PFKL: variants seen among roughly 807,000 people sequenced by gnomAD.
PFKL encodes phosphofructokinase, liver type.
PFKL carries 74 observed loss-of-function variants against 92.1 expected under a neutral mutation model. The ratio of observed to expected loss-of-function variants is 0.80; its 90% CI spans 0.67 to 0.97. The LOEUF is 0.97. PFKL is among the 50% of genes least tolerant of loss of function. PFKL has a pLI of 0.00. For synonymous variants in PFKL, 494 were observed against 456.4 expected (o/e 1.08, Z -1.05); for missense variants, 1,028 against 1,116.6 (o/e 0.92, Z 1.13).
At chr21:44,303,603 T>C (rs9982262) in intron 1 of PFKL, among the ~76,000 whole-genome samples, 3,027 of 152,134 alleles carry the variant, frequency 0.02, 109 homozygotes, top group African/African-American at 0.068. Context: ...GTTGGTTTCC[T>C]GTTATCGCAG....
At position 44,322,388 on chromosome 21, in the gene PFKL, T is replaced by C. The variant is rs151330277; in HGVS notation, c.1409+185T>C. On this transcript the variant is annotated intron_variant, in intron 14 of 21. Coordinates refer to ENST00000349048, the MANE Select transcript of PFKL (RefSeq NM_002626.6). The stretch of plus-strand genomic sequence containing the variant: ...GGGCTTCCTGGCCTGAGCTCCGCTG[T>C]GTAGGGCAGGCTGCTCTGGCGGCCC... 6.6e-3 allele frequency among the ~76,000 whole-genome samples: 1,002 copies of C among 152,256 alleles called. 9 individuals carry two copies. The highest frequency in any genetic ancestry group is 0.022 in the Admixed American group (330 of 15,304).
chr21:44,312,885 G>A (rs2047087680), intron 4 of PFKL, 93 bp from the exon 5 acceptor site: 2 of 1,384,196 alleles, frequency 1.4e-6, no homozygotes, highest in East Asian at 2.3e-5. Context: ...GCACGCCTGG[G>A]ATGCGGGGGA....
chr21:44,301,893 A>G (rs998981679), intron 1 of PFKL, among the ~76,000 whole-genome samples: 13 of 152,044 alleles, frequency 8.6e-5, no homozygotes, highest in African/African-American at 2.6e-4. Context: ...CACCCCATGC[A>G]CAGACTAAAC....
At chr21:44,313,240 AC>A in intron 5 of PFKL, 97 bp downstream of exon 5, 1 of 1,359,440 alleles carries the variant, frequency 7.4e-7, no homozygotes, top group Non-Finnish European at 1.0e-6. Context: ...AGGGCAGTGG[AC>A]TCTGGTAGCC....
chr21:44,304,047 C>T (rs1001663029), intron 1 of PFKL, among the ~76,000 whole-genome samples: 6 of 58,692 alleles, frequency 1.0e-4, no homozygotes, highest in African/African-American at 3.0e-4. Context: ...AAATCCAGAA[C>T]GTGTCCCTTT....
intron 1 of PFKL, among the ~76,000 whole-genome samples, chr21:44,300,391 C>T (rs1601978712): frequency 1.3e-5 from 2 of 152,058 alleles, no homozygotes; most frequent in South Asian, 4.1e-4. Context: ...TGCGGCCGGC[C>T]ACGTTCTCGG....
intron 5 of PFKL, 45 bp from the exon 6 acceptor site, chr21:44,313,593 G>C (rs2146464515): frequency 6.3e-7 from 1 of 1,587,130 alleles, no homozygotes. Context: ...GGCTGGCAGG[G>C]CCGTGTGGCT....
intron 21 of PFKL, 44 bp downstream of exon 21, chr21:44,326,308 G>A (rs542803209): frequency 2.1e-6 from 3 of 1,444,380 alleles, no homozygotes; most frequent in African/African-American, 1.4e-5. Flanking sequence ...GGGCTGAGGG[G>A]TGGCCCAGAC....
chr21:44,326,627 T>TGG lies in PFKL; in HGVS notation c.2196-88_2196-87insGG, dbSNP rs1489950497. 4 of 1,053,050 alleles carry TGG rather than the reference T, an allele frequency of 3.8e-6. No individual in the cohort carries two copies. The African/African-American group carries it at 1.2e-4, about 31-fold the overall frequency. The allele number at this position is 1,053,050 out of a possible 1,614,324, so 65.2% of individuals were successfully genotyped here. ...AGAGGGGCATGCACAGGCTGCAGGG[T>TGG]CGGGGGGGGTGGGGGGGCTGGGGAC... On this transcript the variant is annotated intron_variant, in intron 21 of 21. Transcript: ENST00000349048.
At chr21:44,321,498 G>A (rs1183124953) in intron 12 of PFKL, 17 of 368,818 alleles carry the variant, frequency 4.6e-5, no homozygotes, top group Non-Finnish European at 2.4e-5. Flanking sequence ...TGTTGCCTGC[G>A]TGCCAGGGGG....
Position 44,303,441 on chromosome 21 carries a change from A to AAAAAAAAAAAAACTTGATCG in PFKL, c.86-3228_86-3227insCTTGATCGAAAAAAAAAAAA, listed in dbSNP as rs1555874967. Among the ~76,000 whole-genome samples, 4 of 97,092 alleles carry AAAAAAAAAAAAACTTGATCG rather than the reference A, an allele frequency of 4.1e-5. 1 individual carries two copies. The highest frequency in any genetic ancestry group is 2.1e-4 in the African/African-American group (4 of 18,930). 63.7% of individuals were successfully genotyped at this position (97,092 alleles called of 152,430 possible). Reference sequence around the variant, plus strand: ...AAAAAAACAGACTTGACCAAAAAAAAAAAAAAAAAAAAAATGGCCCGGCCT... The same window carrying AAAAAAAAAAAAACTTGATCG: ...AAAAAAACAGACTTGACCAAAAAAAAAAAAAAAAAAAACTTGATCGAAAAAAAAAAAAAATGGCCCGGCCT... On this transcript the variant is annotated intron_variant, in intron 1 of 21. Transcript: ENST00000349048.
Position 44,316,492 on chromosome 21 carries a change from G to T in PFKL, c.904G>T (p.Gly302Ter), listed in dbSNP as rs1368817074. 3 of 1,606,370 alleles carry T rather than the reference G, an allele frequency of 1.9e-6. No homozygotes were observed. The highest frequency in any genetic ancestry group is 2.6e-6 in the Non-Finnish European group (3 of 1,175,230). The change falls in exon 9 of 22, where the codon GGA (glycine) becomes TGA (stop). Residue 302 changes from glycine to a stop codon, truncating the protein, a stop_gained. Coordinates refer to ENST00000349048, the MANE Select transcript of PFKL (RefSeq NM_002626.6). LOFTEE classifies it high-confidence loss of function. ...RVTVLGHVQR[G>*]GTPSAFDRIL... The stretch of plus-strand genomic sequence containing the variant: ...AACTGTGCTGGGCCACGTGCAGCGG[G>T]GAGGGACGCCCTCTGCCTTCGACCG...
At chr21:44,314,214 C>T (rs2047135647) in intron 7 of PFKL, 193 bp downstream of exon 7, 1 of 585,822 alleles carries the variant, frequency 1.7e-6, no homozygotes, top group Non-Finnish European at 3.0e-6. Context: ...CACCTGTGGT[C>T]CTGCCCCCAG....
At chr21:44,305,234 G>A in intron 1 of PFKL, 22 of 1,292,550 alleles carry the variant, frequency 1.7e-5, no homozygotes, top group Non-Finnish European at 2.2e-5. Context: ...AGAACAGTGT[G>A]CCGATCCCTG....
rs954487238 is a variant in PFKL at position 44,322,068 on chromosome 21, C to G, written c.1339-65C>G. ...CACTGGCTGGCCCCCGGGCACAGGC[C>G]CACCCCTGGGGGGAATTGGCCAGAG... On this transcript the variant is annotated intron_variant, in intron 13 of 21. Transcript: ENST00000349048. 65 of 1,536,144 alleles carry G rather than the reference C, an allele frequency of 4.2e-5. No homozygotes were observed. The African/African-American group carries it at 8.0e-4, about 19-fold the overall frequency.
intron 1 of PFKL, chr21:44,304,361 G>A (rs1384974000): frequency 7.8e-7 from 1 of 1,283,872 alleles, no homozygotes. Context: ...TCCGCCTGGA[G>A]CTGGGGAGAC....
chr21:44,326,280 G>A lies in PFKL; in HGVS notation c.2195+16G>A. 1.3e-6 allele frequency: 2 copies of A among 1,574,806 alleles called. No individual in the cohort carries two copies. The highest frequency in any genetic ancestry group is 1.7e-6 in the Non-Finnish European group (2 of 1,148,332). ...CTGATTTCGAGTGAGTTCCACCAAA[G>A]CCTCGTGGAGGCGGGTGGGGCTGAG... On this transcript the variant is annotated intron_variant, in intron 21 of 21. Coordinates refer to ENST00000349048, the MANE Select transcript of PFKL (RefSeq NM_002626.6).
intron 1 of PFKL, among the ~76,000 whole-genome samples, chr21:44,301,325 G>C (rs9981255): frequency 0.02 from 3,050 of 152,318 alleles, 113 homozygotes; most frequent in African/African-American, 0.069. Context: ...GCTGTGGCAA[G>C]AGCGGGAGCT....
intron 1 of PFKL, among the ~76,000 whole-genome samples, chr21:44,300,771 A>C (rs1202047631): frequency 4.6e-5 from 7 of 152,152 alleles, no homozygotes; most frequent in Non-Finnish European, 7.4e-5. Flanking sequence ...CCCTTTTCGC[A>C]GGGGTACTGG....
Sources: gnomAD v4.1 joint callset for allele counts (sites outside exome capture counted in the v4.1 genomes callset) on GRCh38, gnomAD v4.1.1 for gene constraint, MANE v1.5 for transcripts, NCBI Gene and HGNC (gene_info 2026-07-23, HGNC 2026-07-21) for gene names.